MAP7D2: variants seen among roughly 807,000 people sequenced by gnomAD.
MAP7D2 encodes the protein MAP7 domain-containing protein 2.
Under a neutral mutation model 63.5 loss-of-function variants are expected in MAP7D2, and 33 were observed. The observed-to-expected ratio is 0.52, with a 90% CI of 0.39 to 0.70. MAP7D2 has a LOEUF of 0.70. MAP7D2 is among the 30% of genes least tolerant of loss of function. The pLI, the probability that MAP7D2 is intolerant of heterozygous loss-of-function variation, is 0.00. For synonymous variants in MAP7D2, 224 were observed against 223.7 expected (o/e 1.00, Z -0.01); for missense variants, 626 against 604.0 (o/e 1.04, Z -0.38).
intron 1 of MAP7D2, chrX:20,116,502 T>A: frequency 1.2e-6 from 1 of 831,790 alleles, no homozygotes; most frequent in Non-Finnish European, 1.5e-6. Flanking sequence ...CCGCCCACCC[T>A]AAGCCACCCC....
intron 1 of MAP7D2, among the ~76,000 whole-genome samples, chrX:20,100,748 G>A (rs182856638): frequency 4.9e-4 from 55 of 111,575 alleles, no homozygotes; most frequent in African/African-American, 1.1e-3. Context: ...ACAACCGGGC[G>A]TGGTGGCTCA....
chrX:20,105,958 T>C (rs140573795), intron 1 of MAP7D2, among the ~76,000 whole-genome samples: 1 of 112,058 alleles, frequency 8.9e-6, no homozygotes, highest in African/African-American at 3.2e-5. Context: ...AGCATCTGCT[T>C]GGCATCTGGT....
At chrX:20,063,247 G>A (rs2065265947) in intron 3 of MAP7D2, among the ~76,000 whole-genome samples, 167 bp downstream of exon 3, 1 of 112,035 alleles carries the variant, frequency 8.9e-6, no homozygotes, top group Non-Finnish European at 1.9e-5. Flanking sequence ...CTATGTCAGT[G>A]CTGCTTCGAG....
rs1416974303 is a variant in MAP7D2 at position 20,102,498 on chromosome X, T to A, written c.130+14252A>T. ...GAGAGATGGGGGTGGAGGGGTAAAT[T>A]GGAGCCCCATTCCAACATGCCTGAA... On this transcript the variant is annotated intron_variant, in intron 1 of 16. Transcript: ENST00000379643. Among the ~76,000 whole-genome samples the A allele has an allele frequency of 2.7e-5, 3 of 110,585 alleles. No individual in the cohort carries two copies. The Admixed American group carries it at 2.9e-4, about 11-fold the overall frequency.
intron 1 of MAP7D2, among the ~76,000 whole-genome samples, chrX:20,101,934 A>G (rs1489784735): frequency 8.9e-6 from 1 of 112,853 alleles, no homozygotes; most frequent in Non-Finnish European, 1.9e-5. Flanking sequence ...TTTATGTTAC[A>G]TATATTTTAT....
chrX:20,054,803 A>T (rs934592198), intron 4 of MAP7D2, among the ~76,000 whole-genome samples: 1 of 110,640 alleles, frequency 9.0e-6, no homozygotes, highest in Non-Finnish European at 1.9e-5. Context: ...GCTGGTCTCG[A>T]ACTACTGACA....
intron 1 of MAP7D2, among the ~76,000 whole-genome samples, chrX:20,115,049 G>A (rs1471343010): frequency 9.0e-6 from 1 of 111,352 alleles, no homozygotes; most frequent in African/African-American, 3.3e-5. Context: ...GCACATAGGT[G>A]CTTATTTCAC....
chrX:20,081,072 G>T (rs750137839), intron 1 of MAP7D2, among the ~76,000 whole-genome samples: 2 of 111,955 alleles, frequency 1.8e-5, no homozygotes, highest in Non-Finnish European at 3.8e-5. Context: ...AATGACTCTT[G>T]CTTAGAAGCT....
rs142413343 is a variant in MAP7D2 at position 20,026,713 on chromosome X, T to C, written c.1008-761A>G. Among the ~76,000 whole-genome samples the C allele has an allele frequency of 3.1e-3, 346 of 111,804 alleles. 1 individual carries two copies. Among genetic ancestry groups the C allele is most frequent in the South Asian group, 0.011 (28 of 2,660 alleles). ...GGTTAAAACACAGGAGCTCGTCTTA[T>C]GTCTGCTGGGAAAGGGTCCGTTACA... On this transcript the variant is annotated intron_variant, in intron 8 of 16. Transcript: ENST00000379643.
At chrX:20,067,916 G>A (rs1209196236) in intron 1 of MAP7D2, among the ~76,000 whole-genome samples, 1 of 112,175 alleles carries the variant, frequency 8.9e-6, no homozygotes, top group East Asian at 2.8e-4. Context: ...TGTGGCTCCT[G>A]TCCAGGCAGG....
At chrX:20,082,226 G>A (rs1296135628) in intron 1 of MAP7D2, among the ~76,000 whole-genome samples, 3 of 111,961 alleles carry the variant, frequency 2.7e-5, no homozygotes, top group Non-Finnish European at 5.6e-5. Flanking sequence ...AAAGGGGCTA[G>A]GAAAAAAAAT....
intron 6 of MAP7D2, among the ~76,000 whole-genome samples, chrX:20,044,773 T>C (rs1338969782): frequency 4.5e-5 from 5 of 111,225 alleles, no homozygotes; most frequent in Non-Finnish European, 7.5e-5. Flanking sequence ...TGCCACCTAA[T>C]AGCTGGATCA....
At chrX:20,017,914 A>G (rs1020994688) in intron 10 of MAP7D2, among the ~76,000 whole-genome samples, 1 of 110,317 alleles carries the variant, frequency 9.1e-6, no homozygotes, top group Non-Finnish European at 1.9e-5. Flanking sequence ...TGTATAAGCT[A>G]CTTCATAAAG....
chrX:20,086,767 GT>G (rs1364367906), intron 1 of MAP7D2, among the ~76,000 whole-genome samples: 1 of 111,221 alleles, frequency 9.0e-6, no homozygotes, highest in Admixed American at 9.6e-5. Context: ...CCTAAATGCT[GT>G]TTTTTTGTTT....
Position 20,042,292 on chromosome X carries a change from C to T in MAP7D2, c.1007+210G>A, listed in dbSNP as rs145166955. Reference sequence around the variant, plus strand: ...ATCTTGGTAAATAAAAGCCCTGTTACGCACTGGGGTCCCTTAGCAAAGGAT... The same window carrying T: ...ATCTTGGTAAATAAAAGCCCTGTTATGCACTGGGGTCCCTTAGCAAAGGAT... On this transcript the variant is annotated intron_variant, in intron 8 of 16. Coordinates refer to ENST00000379643, the MANE Select transcript of MAP7D2 (RefSeq NM_001168465.2). Among the ~76,000 whole-genome samples the T allele has an allele frequency of 1.7e-3, 195 of 111,693 alleles. 1 individual carries two copies. The highest frequency in any genetic ancestry group is 6.0e-3 in the African/African-American group (185 of 30,734).
chrX:20,098,355 C>A (rs1448379950), intron 1 of MAP7D2, among the ~76,000 whole-genome samples: 1 of 112,467 alleles, frequency 8.9e-6, no homozygotes, highest in African/African-American at 3.2e-5. Flanking sequence ...GATGAAAGGG[C>A]TCACTATGGA....
intron 1 of MAP7D2, among the ~76,000 whole-genome samples, chrX:20,092,901 T>C (rs1345393438): frequency 8.9e-6 from 1 of 112,465 alleles, no homozygotes; most frequent in African/African-American, 3.2e-5. Context: ...GCTGAATTTA[T>C]ACATCTGGAC....
rs2073822287 is a variant in MAP7D2 at position 20,025,779 on chromosome X, CCAG to C, written c.1178_1180del (p.Ala393del). 1 of 1,209,901 alleles carries C rather than the reference CCAG, an allele frequency of 8.3e-7. No homozygotes were observed. Among genetic ancestry groups the C allele is most frequent in the African/African-American group, 1.7e-5 (1 of 57,173 alleles). On this transcript the variant is annotated inframe_deletion, in exon 9 of 17. Transcript: ENST00000379643. The stretch of plus-strand genomic sequence containing the variant: ...CTCTAGGGCTTCCTCTCCTTGCGGG[CCAG>C]CAGCCTGCTGAGCCAAGGTACCTTC...
At chrX:20,112,582 TG>T (rs913232133) in intron 1 of MAP7D2, among the ~76,000 whole-genome samples, 4 of 111,029 alleles carry the variant, frequency 3.6e-5, no homozygotes, top group African/African-American at 1.3e-4. Context: ...CCGACTCAGA[TG>T]TGAGGTGGAC....
Sources: gnomAD v4.1 joint callset for allele counts (sites outside exome capture counted in the v4.1 genomes callset) on GRCh38, gnomAD v4.1.1 for gene constraint, MANE v1.5 for transcripts, NCBI Gene and HGNC (gene_info 2026-07-23, HGNC 2026-07-21) for gene names.